PRIM2: variants seen among roughly 807,000 people sequenced by gnomAD.
The protein encoded by PRIM2 is DNA primase subunit 2, also known as DNA primase large subunit.
In PRIM2, 39 loss-of-function variants were observed where a neutral mutation model predicts 67.3. The ratio of observed to expected loss-of-function variants is 0.58; its 90% confidence interval spans 0.45 to 0.76. The LOEUF (loss-of-function observed/expected upper bound fraction) is 0.76. Ranked by LOEUF, PRIM2 falls within the 30% of genes least tolerant of loss-of-function variation. PRIM2 has a pLI of 0.00. For synonymous variants in PRIM2, 143 were observed against 198.7 expected (o/e 0.72, Z 2.36); for missense variants, 398 against 598.7 (o/e 0.66, Z 3.50).
At chr6:57,405,161 G>C (rs12205767) in intron 7 of PRIM2, among the ~76,000 whole-genome samples, 1 of 151,782 alleles carries the variant, frequency 6.6e-6, no homozygotes. Context: ...TTTTTTTTTT[G>C]GTGGGGAGGG....
chr6:57,379,690 A>G (rs1769886932), intron 5 of PRIM2, among the ~76,000 whole-genome samples: 1 of 152,198 alleles, frequency 6.6e-6, no homozygotes, highest in Non-Finnish European at 1.5e-5. Context: ...GGCAGGGTTG[A>G]AATTTGAAAG....
chr6:57,273,425 C>T, the PRIM2 span, among the ~76,000 whole-genome samples: 6,683 of 152,320 alleles, frequency 0.044, 279 homozygotes, highest in East Asian at 0.18. Flanking sequence ...ACATCGGCTA[C>T]TGAGGCTTCT....
chr6:57,300,594 C>T, the PRIM2 span, among the ~76,000 whole-genome samples: 1 of 152,106 alleles, frequency 6.6e-6, no homozygotes, highest in Non-Finnish European at 1.5e-5. Flanking sequence ...AATGATGAGG[C>T]TGTTGGCTTC....
At chr6:57,419,672 A>G (rs1581888392) in intron 7 of PRIM2, among the ~76,000 whole-genome samples, 2 of 152,238 alleles carry the variant, frequency 1.3e-5, no homozygotes, top group East Asian at 1.9e-4. Context: ...TGAATTTATT[A>G]TAGGATTGGA....
chr6:57,582,581 C>T (rs1472942585), intron 10 of PRIM2, among the ~76,000 whole-genome samples: 1 of 152,038 alleles, frequency 6.6e-6, no homozygotes, highest in African/African-American at 2.4e-5. Flanking sequence ...GTTACTATTT[C>T]TTTAAATAGT....
At chr6:57,235,488 G>A in the PRIM2 span, among the ~76,000 whole-genome samples, 3 of 151,540 alleles carry the variant, frequency 2.0e-5, no homozygotes, top group Non-Finnish European at 4.4e-5. Context: ...TGAAAAAAAT[G>A]CTTAAATGTA....
Position 57,645,962 on chromosome 6 carries a change from A to G in PRIM2, c.1334A>G (p.Asn445Ser). ...TGTGGCTTTTCTTTGAATCATCCTA[A>G]TCAGTTCTTTTGTGAGAGCCAACGT... ...DDCGFSLNHPNQFFCESQRIL... is the reference protein window; with the variant it reads ...DDCGFSLNHPSQFFCESQRIL... Residue 445 changes from asparagine to serine, a missense_variant, in exon 14 of 14, where the codon AAT becomes AGT. Around this residue, in one of 4 missense-constraint regions of PRIM2, gnomAD observed 72 missense variants for 89.4 expected, o/e 0.81. Coordinates refer to ENST00000615550, the MANE Select transcript of PRIM2 (RefSeq NM_000947.5). The G allele has an allele frequency of 1.2e-6, 2 of 1,600,610 alleles. No homozygotes were observed. Among genetic ancestry groups the G allele is most frequent in the African/African-American group, 1.3e-5 (1 of 74,774 alleles).
At chr6:57,591,277 G>C (rs1351525653) in intron 10 of PRIM2, among the ~76,000 whole-genome samples, 36 of 152,246 alleles carry the variant, frequency 2.4e-4, no homozygotes, top group Admixed American at 3.3e-4. Context: ...TAGACTTTAA[G>C]GTAGTGACTC....
chr6:57,268,818 G>A, the PRIM2 span, among the ~76,000 whole-genome samples: 2 of 124,242 alleles, frequency 1.6e-5, no homozygotes, highest in Non-Finnish European at 3.1e-5. Context: ...AGAGTGTGAT[G>A]TTCCCCTTGC....
intron 13 of PRIM2, among the ~76,000 whole-genome samples, chr6:57,641,778 TTGG>T (rs1236944980): frequency 6.6e-6 from 1 of 152,194 alleles, no homozygotes; most frequent in Non-Finnish European, 1.5e-5. Context: ...TTTTACACTG[TTGG>T]TGGGAGTGTA....
intron 7 of PRIM2, among the ~76,000 whole-genome samples, chr6:57,457,949 C>CT (rs1332462246): frequency 6.6e-6 from 1 of 152,156 alleles, no homozygotes; most frequent in East Asian, 1.9e-4. Flanking sequence ...TACTTTGCCT[C>CT]TGTCTTTTTC....
Position 57,326,013 on chromosome 6 carries a change from T to G in PRIM2, c.427T>G (p.Phe143Val), listed in dbSNP as rs773729207. ...TTTACCCAAGGATAAAATTCAGGAT[T>G]TCTTAAAGGATAGCCAATTGCAGTT... Reference protein sequence around the residue: ...SILPKDKIQDFLKDSQLQFEA... With the variant: ...SILPKDKIQDVLKDSQLQFEA... The change falls in exon 5 of 14, where the codon TTC becomes GTC. Residue 143 changes from phenylalanine (F) to valine (V), a missense_variant. Physicochemically the swap from Phe to Val is conservative, Grantham distance 50. Transcript: ENST00000615550. 6.2e-7 allele frequency: 1 copy of G among 1,613,002 alleles called. No individual in the cohort carries two copies. Among genetic ancestry groups the G allele is most frequent in the Non-Finnish European group, 8.5e-7 (1 of 1,179,596 alleles).
chr6:57,559,659 G>T (rs1775590360), intron 10 of PRIM2, among the ~76,000 whole-genome samples: 1 of 152,142 alleles, frequency 6.6e-6, no homozygotes, highest in Admixed American at 6.6e-5. Flanking sequence ...GGCATACCTA[G>T]AAGATATTGC....
intron 7 of PRIM2, among the ~76,000 whole-genome samples, chr6:57,385,262 AT>A (rs1463693900): frequency 6.6e-6 from 1 of 152,190 alleles, no homozygotes; most frequent in East Asian, 1.9e-4. Context: ...AAATAAGAGT[AT>A]TTATGAACTT....
At chr6:57,286,488 A>G in the PRIM2 span, among the ~76,000 whole-genome samples, 2 of 152,190 alleles carry the variant, frequency 1.3e-5, no homozygotes, top group African/African-American at 4.8e-5. Flanking sequence ...AACAATCCTG[A>G]CAAAAATAAA....
At chr6:57,280,059 T>C in the PRIM2 span, among the ~76,000 whole-genome samples, 1 of 152,156 alleles carries the variant, frequency 6.6e-6, no homozygotes, top group Non-Finnish European at 1.5e-5. Context: ...TTGTTTGCCA[T>C]GCTAAGAAAT....
the PRIM2 span, among the ~76,000 whole-genome samples, chr6:57,237,005 G>C: frequency 6.6e-6 from 1 of 152,072 alleles, no homozygotes; most frequent in African/African-American, 2.4e-5. Context: ...CTTCCACAAT[G>C]GTTGAACTAG....
At chr6:57,626,720 A>G (rs1166483073) in intron 12 of PRIM2, among the ~76,000 whole-genome samples, 2 of 150,600 alleles carry the variant, frequency 1.3e-5, no homozygotes, top group Non-Finnish European at 3.0e-5. Context: ...GACCTCCCCG[A>G]CTCAAGCGAA....
the PRIM2 span, among the ~76,000 whole-genome samples, chr6:57,251,810 C>T: frequency 3.9e-5 from 6 of 152,102 alleles, no homozygotes; most frequent in East Asian, 1.9e-4. Flanking sequence ...TGCATATTTC[C>T]GCTTTCTTAG....
Sources: allele counts gnomAD v4.1 joint callset (sites outside exome capture counted in the v4.1 genomes callset), GRCh38; gene constraint gnomAD v4.1.1; regional missense constraint gnomAD v4.1.1; transcripts MANE v1.5; gene names NCBI Gene and HGNC (gene_info 2026-07-23, HGNC 2026-07-21).